The following AMPD3 variants were observed in gnomAD, a reference collection of about 807,000 sequenced individuals.
AMPD3 encodes AMP deaminase 3.
In AMPD3, 57 loss-of-function variants were observed where a neutral mutation model predicts 82.3. The observed-to-expected ratio is 0.69, with a 90% confidence interval of 0.56 to 0.86. The LOEUF (loss-of-function observed/expected upper bound fraction) is 0.86, where lower values mean the gene tolerates loss of function less well. Ranked by LOEUF, AMPD3 falls within the 40% of genes least tolerant of loss-of-function variation. The probability of loss-of-function intolerance (pLI) is 0.00; values close to 1 mark genes in which losing one functional copy is unlikely to be tolerated. For missense variants in AMPD3, 870 were observed against 1,003.8 expected, an observed-to-expected ratio of 0.87 and a Z score of 1.80; for synonymous variants, 381 against 394.7, an observed-to-expected ratio of 0.97 and a Z score of 0.41.
At chr11:10,496,360 AT>A (rs1306766280) in intron 9 of AMPD3, 2 of 985,262 alleles carry the variant, frequency 2.0e-6, no homozygotes, top group Non-Finnish European at 1.2e-6. Flanking sequence ...AGTGGTCTAC[AT>A]TGCTGGCCTC....
At chr11:10,500,616 C>CTA (rs1849550936) in intron 11 of AMPD3, 1 of 985,350 alleles carries the variant, frequency 1.0e-6, no homozygotes, top group Non-Finnish European at 1.2e-6. Context: ...ATAGGACATG[C>CTA]TATCACACAT....
intron 14 of AMPD3, chr11:10,505,006 T>A (rs370447578): frequency 1.9e-6 from 1 of 523,750 alleles, no homozygotes; most frequent in East Asian, 1.5e-4. Flanking sequence ...GCATGTAAGC[T>A]CTGTGAGGGC....
chr11:10,468,694 TCTC>T (rs1848494377), intron 2 of AMPD3, among the ~76,000 whole-genome samples: 1 of 152,206 alleles, frequency 6.6e-6, no homozygotes, highest in Non-Finnish European at 1.5e-5. Context: ...TATACATTCT[TCTC>T]AGCACCTCAT....
At chr11:10,487,512 A>G in intron 6 of AMPD3, 148 bp downstream of exon 6, 1 of 1,109,138 alleles carries the variant, frequency 9.0e-7, no homozygotes, top group Non-Finnish European at 1.4e-6. Context: ...GGTATGAAGC[A>G]TATGTGCAGA....
intron 3 of AMPD3, among the ~76,000 whole-genome samples, chr11:10,481,258 A>T (rs912268320): frequency 1.3e-5 from 2 of 152,204 alleles, no homozygotes; most frequent in Non-Finnish European, 2.9e-5. Context: ...GGGGTTGGCA[A>T]AGAAGCAGGC....
intron 1 of AMPD3, among the ~76,000 whole-genome samples, chr11:10,458,913 A>C (rs974973748): frequency 3.3e-5 from 5 of 151,990 alleles, no homozygotes; most frequent in Admixed American, 6.6e-5. Context: ...AGGTTTTGGG[A>C]TGGTGCCCTT....
At chr11:10,476,473 T>TGTG (rs201114918) in intron 2 of AMPD3, among the ~76,000 whole-genome samples, 15 of 144,214 alleles carry the variant, frequency 1.0e-4, no homozygotes, top group African/African-American at 2.0e-4. Flanking sequence ...GTGTTTTTTT[T>TGTG]TTTGTGTGTG....
At chr11:10,491,112 G>A (rs967423123) in intron 6 of AMPD3, among the ~76,000 whole-genome samples, 5 of 152,142 alleles carry the variant, frequency 3.3e-5, no homozygotes, top group African/African-American at 4.8e-5. Flanking sequence ...GAGGTCAGCC[G>A]CCTCCTCACC....
intron 6 of AMPD3, among the ~76,000 whole-genome samples, chr11:10,488,846 G>A (rs1209036605): frequency 3.9e-5 from 6 of 152,150 alleles, no homozygotes; most frequent in Non-Finnish European, 8.8e-5. Context: ...GGCCAGGGGA[G>A]GATGTGGCTC....
chr11:10,451,022 A>T (rs1194530967), upstream of AMPD3: 3 of 1,582,616 alleles, frequency 1.9e-6, no homozygotes, highest in Non-Finnish European at 2.6e-6. Flanking sequence ...GGCCGGCGGC[A>T]TGGCCCTGTC....
intron 6 of AMPD3, among the ~76,000 whole-genome samples, chr11:10,491,676 G>C (rs1372665130): frequency 6.6e-6 from 1 of 152,170 alleles, no homozygotes; most frequent in Non-Finnish European, 1.5e-5. Context: ...TGAGGGAAGG[G>C]AGTAGTAGGA....
In AMPD3 at chr11:10,496,105, T is replaced by A. The variant is rs376028446; in HGVS notation, c.1430+372T>A. ...CCAATTTTTATATTTTTAGTAGAGA[T>A]GGGGTTTCACCATCTTGGCCAGGCT... On this transcript the variant is annotated intron_variant, in intron 9 of 14. Transcript: ENST00000396553. 1.1e-4 allele frequency: 48 copies of A among 453,956 alleles called. No homozygotes were observed. The East Asian group carries it at 5.6e-3, about 53-fold the overall frequency. 28.1% of individuals were successfully genotyped at this position (453,956 alleles called of 1,614,324 possible). A position where few individuals can be genotyped will look rare whatever the true frequency, so the allele number is the denominator to read the frequency against.
At position 10,500,200 on chromosome 11, in the gene AMPD3, T is replaced by C; in HGVS notation, c.1672T>C (p.Tyr558His). ...TSEQNPPYSY[Y>H]LYYMYANIMV... ...TGAGCAGAACCCACCCTACAGCTAC[T>C]ACCTGTACTACATGTATGCCAACAT... The change falls in exon 11 of 15, where the codon TAC becomes CAC. Residue 558 changes from tyrosine to histidine, a missense_variant. Tyr to His is a moderately conservative substitution (Grantham distance 83, BLOSUM62 2). Transcript: ENST00000396553. 1 of 1,614,206 alleles carries C rather than the reference T, an allele frequency of 6.2e-7. No individual in the cohort carries two copies. Among genetic ancestry groups the C allele is most frequent in the Non-Finnish European group, 8.5e-7 (1 of 1,180,014 alleles).
chr11:10,486,430 A>G (rs1474594952), intron 5 of AMPD3, among the ~76,000 whole-genome samples: 1 of 152,076 alleles, frequency 6.6e-6, no homozygotes, highest in Non-Finnish European at 1.5e-5. Flanking sequence ...GTGGCTAGGC[A>G]CCTAGGCTGT....
intron 11 of AMPD3, 87 bp from the exon 12 acceptor site, chr11:10,501,383 C>A (rs565936490): frequency 9.6e-6 from 15 of 1,567,090 alleles, no homozygotes; most frequent in East Asian, 2.3e-5. Flanking sequence ...TCATTCCCCC[C>A]GGAGCTGGCC....
chr11:10,494,534 C>T (rs1421181231), intron 7 of AMPD3: 1 of 984,538 alleles, frequency 1.0e-6, no homozygotes, highest in African/African-American at 1.7e-5. Flanking sequence ...TTAAACAAAA[C>T]ATTGAATGAT....
intron 2 of AMPD3, among the ~76,000 whole-genome samples, chr11:10,474,096 C>T (rs918786916): frequency 6.6e-6 from 1 of 152,124 alleles, no homozygotes; most frequent in Non-Finnish European, 1.5e-5. Flanking sequence ...CCCAAAATAT[C>T]CAGGGCATCT....
chr11:10,504,869 C>A (rs1341776249), intron 14 of AMPD3, among the ~76,000 whole-genome samples: 2 of 152,176 alleles, frequency 1.3e-5, no homozygotes, highest in Non-Finnish European at 2.9e-5. Context: ...TTGGAGAGGC[C>A]TTCCCTGATC....
In AMPD3 at chr11:10,495,741, AG is replaced by A. The variant is rs1417256516; in HGVS notation, c.1430+10del. On this transcript the variant is annotated intron_variant, in intron 9 of 14. Coordinates refer to ENST00000396553, the MANE Select transcript of AMPD3 (RefSeq NM_001025389.2). ...CCAGGTGCCCCGGATTTAGTAAGTG[AG>A]GTGGCCCGCTGTCTACCCTGTGCCC... The A allele has an allele frequency of 6.2e-7, 1 of 1,613,838 alleles. No individual in the cohort carries two copies. Among genetic ancestry groups the A allele is most frequent in the African/African-American group, 1.3e-5 (1 of 74,866 alleles).
Sources: gnomAD v4.1 joint callset for allele counts (sites outside exome capture counted in the v4.1 genomes callset) on GRCh38, gnomAD v4.1.1 for gene constraint, MANE v1.5 for transcripts, NCBI Gene and HGNC (gene_info 2026-07-23, HGNC 2026-07-21) for gene names.